Variants in MEGF11 observed in about 807,000 individuals in gnomAD.
MEGF11 encodes multiple EGF like domains 11.
In MEGF11, 126 loss-of-function variants were observed where a neutral mutation model predicts 146.6. That is an observed-to-expected ratio of 0.86 (90% CI 0.74 to 1.00). MEGF11 has a LOEUF of 1.00. Ranked by LOEUF, MEGF11 falls within the 50% of genes least tolerant of loss-of-function variation. The probability of loss-of-function intolerance (pLI) is 0.00; values close to 1 mark genes in which losing one functional copy is unlikely to be tolerated. For missense variants in MEGF11, 1,509 were observed against 1,521.2 expected (o/e 0.99, Z 0.13); for synonymous variants, 532 against 583.4 (o/e 0.91, Z 1.27).
At chr15:65,915,660 T>A (rs935181879) in intron 18 of MEGF11, 62 bp from the exon 19 acceptor site, 2 of 1,582,794 alleles carry the variant, frequency 1.3e-6, no homozygotes, top group Non-Finnish European at 1.7e-6. Context: ...CCCTTCCATG[T>A]TTAGACAGCT....
rs145417639 is a variant in MEGF11 at position 66,069,223 on chromosome 15, T to C, written c.394+25179A>G. Among the ~76,000 whole-genome samples, 260 of 152,360 alleles carry C rather than the reference T, an allele frequency of 1.7e-3. 3 individuals are homozygous for C. The highest frequency in any genetic ancestry group is 5.9e-3 in the African/African-American group (245 of 41,586). ...CTTACCGTCCAAGTCTGTTTGGTCCTGAGCTCAGAAAGAAGGAAGGAAGTC... is the reference window on the plus strand; with the variant it reads ...CTTACCGTCCAAGTCTGTTTGGTCCCGAGCTCAGAAAGAAGGAAGGAAGTC... On this transcript the variant is annotated intron_variant, in intron 5 of 25. Coordinates refer to ENST00000395614, the MANE Select transcript of MEGF11 (RefSeq NM_001385028.1).
At chr15:65,983,820 G>A (rs2081746367) in intron 5 of MEGF11, among the ~76,000 whole-genome samples, 1 of 152,116 alleles carries the variant, frequency 6.6e-6, no homozygotes, top group African/African-American at 2.4e-5. Context: ...GTGTCACTGG[G>A]GTAGACTCAA....
intron 13 of MEGF11, 140 bp from the exon 14 acceptor site, chr15:65,923,109 A>G: frequency 2.2e-6 from 2 of 908,466 alleles, no homozygotes; most frequent in Non-Finnish European, 3.2e-6. Flanking sequence ...AACCCGGCTG[A>G]GGCTTGGCTG....
At chr15:65,969,056 G>A (rs757863760) in intron 8 of MEGF11, among the ~76,000 whole-genome samples, 117 of 152,194 alleles carry the variant, frequency 7.7e-4, no homozygotes, top group Non-Finnish European at 1.3e-3. Flanking sequence ...AAGCTTGCTG[G>A]AGGGCCCCTT....
At chr15:66,208,667 A>C (rs764657552) in intron 1 of MEGF11, among the ~76,000 whole-genome samples, 20 of 151,830 alleles carry the variant, frequency 1.3e-4, no homozygotes, top group Non-Finnish European at 2.8e-4. Context: ...AGATCACCTG[A>C]GGTCAGGAGT....
At chr15:66,094,654 G>C (rs1362423081) in intron 4 of MEGF11, among the ~76,000 whole-genome samples, 160 bp from the exon 5 acceptor site, 1 of 152,192 alleles carries the variant, frequency 6.6e-6, no homozygotes. Context: ...CACCTGACCT[G>C]AGTTATTTAA....
At chr15:65,991,409 CTG>C (rs2141760937) in intron 5 of MEGF11, among the ~76,000 whole-genome samples, 1 of 152,304 alleles carries the variant, frequency 6.6e-6, no homozygotes, top group African/African-American at 2.4e-5. Flanking sequence ...AATGAGAAAA[CTG>C]AGGTTCAGAG....
At chr15:66,208,903 T>C (rs2091370552) in intron 1 of MEGF11, among the ~76,000 whole-genome samples, 1 of 151,178 alleles carries the variant, frequency 6.6e-6, no homozygotes, top group Non-Finnish European at 1.5e-5. Flanking sequence ...AAAAAATAAA[T>C]AAAAACATGT....
chr15:65,961,942 G>A (rs116494759), intron 9 of MEGF11, among the ~76,000 whole-genome samples: 154 of 152,308 alleles, frequency 1.0e-3, no homozygotes, highest in African/African-American at 3.5e-3. Flanking sequence ...TCCCCCACTG[G>A]GTTGATGAAA....
intron 1 of MEGF11, among the ~76,000 whole-genome samples, chr15:66,193,975 T>C (rs2090944629): frequency 6.6e-6 from 1 of 152,144 alleles, no homozygotes; most frequent in Admixed American, 6.5e-5. Context: ...GATCTACCAT[T>C]TGATCCAGCA....
chr15:66,247,463 G>C (rs60807255), intron 1 of MEGF11, among the ~76,000 whole-genome samples: 1 of 152,200 alleles, frequency 6.6e-6, no homozygotes, highest in Non-Finnish European at 1.5e-5. Context: ...AAAACGAGTA[G>C]AAAGATAATT....
chr15:66,156,742 T>C (rs545257329), intron 1 of MEGF11, among the ~76,000 whole-genome samples: 2 of 152,298 alleles, frequency 1.3e-5, no homozygotes, highest in African/African-American at 2.4e-5. Flanking sequence ...TCTGGTGAAC[T>C]CACAGCTGCA....
chr15:66,157,118 G>A (rs11632584), intron 1 of MEGF11, among the ~76,000 whole-genome samples: 18,606 of 151,808 alleles, frequency 0.12, 1,380 homozygotes, highest in Non-Finnish European at 0.17. Context: ...AGAATAAATG[G>A]GACCAGAGAC....
intron 5 of MEGF11, among the ~76,000 whole-genome samples, chr15:66,038,966 A>C (rs1249401328): frequency 2.6e-5 from 4 of 152,208 alleles, no homozygotes; most frequent in Non-Finnish European, 5.9e-5. Flanking sequence ...CTGCCAGTGC[A>C]GTCTAGGGAA....
At chr15:65,910,285 A>AC (rs2078759156) in intron 21 of MEGF11, among the ~76,000 whole-genome samples, 2 of 152,190 alleles carry the variant, frequency 1.3e-5, no homozygotes, top group Non-Finnish European at 2.9e-5. Flanking sequence ...AAGCTTCAGA[A>AC]CAGAGTGTCT....
At chr15:65,970,742 T>C in intron 7 of MEGF11, 53 bp from the exon 8 acceptor site, 1 of 1,554,656 alleles carries the variant, frequency 6.4e-7, no homozygotes, top group Non-Finnish European at 8.7e-7. Flanking sequence ...ATGCCAAACT[T>C]TCCTGGGAAT....
intron 1 of MEGF11, among the ~76,000 whole-genome samples, chr15:66,154,665 C>T (rs142825338): frequency 1.1e-4 from 16 of 152,324 alleles, no homozygotes; most frequent in African/African-American, 3.4e-4. Flanking sequence ...TCTAAAATGC[C>T]GTCTGTCTGT....
At chr15:66,030,610 AT>A (rs1475624628) in intron 5 of MEGF11, among the ~76,000 whole-genome samples, 1 of 152,092 alleles carries the variant, frequency 6.6e-6, no homozygotes. Flanking sequence ...GGGTTTCACC[AT>A]GTTGGCCAGG....
intron 1 of MEGF11, among the ~76,000 whole-genome samples, chr15:66,224,937 C>G (rs1015242813): frequency 5.9e-5 from 9 of 152,112 alleles, no homozygotes; most frequent in South Asian, 4.2e-4. Context: ...CAGTTCTTTC[C>G]CCAACCTTCT....
Sources: gnomAD v4.1 joint callset for allele counts (sites outside exome capture counted in the v4.1 genomes callset) on GRCh38, gnomAD v4.1.1 for gene constraint, MANE v1.5 for transcripts, NCBI Gene and HGNC (gene_info 2026-07-23, HGNC 2026-07-21) for gene names.